SBF2: variants seen among roughly 807,000 people sequenced by gnomAD.
The protein encoded by SBF2 is myotubularin-related protein 13.
In SBF2, 112 loss-of-function variants were observed where a neutral mutation model predicts 225.2. The observed-to-expected ratio is 0.50, with a 90% CI of 0.43 to 0.58. SBF2 has a LOEUF of 0.58. SBF2 is among the 20% of genes least tolerant of loss of function. The probability of loss-of-function intolerance (pLI) is 0.00; values close to 1 mark genes in which losing one functional copy is unlikely to be tolerated. For synonymous variants in SBF2, 763 were observed against 773.3 expected (o/e 0.99, Z 0.22); for missense variants, 1,996 against 2,206.2 (o/e 0.90, Z 1.91).
intron 1 of SBF2, among the ~76,000 whole-genome samples, chr11:10,232,575 T>G (rs549155252): frequency 3.3e-5 from 5 of 151,738 alleles, no homozygotes; most frequent in Non-Finnish European, 7.4e-5. Context: ...TTTTTTTTTT[T>G]TTGTAAGGGA....
At chr11:10,226,583 G>A (rs1212374604) in intron 1 of SBF2, among the ~76,000 whole-genome samples, 2 of 151,164 alleles carry the variant, frequency 1.3e-5, no homozygotes, top group African/African-American at 4.9e-5. Flanking sequence ...TGAGGTGTTT[G>A]GTTTTTTGTC....
At chr11:10,109,589 A>T (rs1260801620) in intron 2 of SBF2, among the ~76,000 whole-genome samples, 1 of 152,230 alleles carries the variant, frequency 6.6e-6, no homozygotes, top group African/African-American at 2.4e-5. Flanking sequence ...TATTCTGAGA[A>T]TCCAAATTTA....
intron 2 of SBF2, among the ~76,000 whole-genome samples, chr11:10,192,788 T>C (rs761142485): frequency 6.6e-6 from 1 of 152,176 alleles, no homozygotes; most frequent in Non-Finnish European, 1.5e-5. Context: ...ATACCAAATG[T>C]CCTCTCAACA....
chr11:9,794,705 AAAG>A (rs1853001609), intron 33 of SBF2, among the ~76,000 whole-genome samples: 2 of 145,204 alleles, frequency 1.4e-5, no homozygotes, highest in Admixed American at 1.4e-4. Context: ...AAAAAAAAAA[AAAG>A]ACCAGGCCTG....
rs71034750 is a variant in SBF2 at position 9,995,825 on chromosome 11, C to CTTT, written c.976-1830_976-1828dup. 3.6e-4 allele frequency among the ~76,000 whole-genome samples: 50 copies of CTTT among 137,306 alleles called. 2 individuals are homozygous for CTTT. The highest frequency in any genetic ancestry group is 5.6e-4 in the Non-Finnish European group (36 of 64,662). The allele number at this position is 137,306 out of a possible 152,430, so 90.1% of individuals were successfully genotyped here. On this transcript the variant is annotated intron_variant, in intron 9 of 39. Transcript: ENST00000256190. ...CCACCACACCCGGCTAATTTTTTGT[C>CTTT]TTTTTTTTTTTTTTGGTAGAGACGG...
intron 1 of SBF2, among the ~76,000 whole-genome samples, chr11:10,254,467 C>T (rs1406161052): frequency 6.6e-6 from 1 of 151,766 alleles, no homozygotes; most frequent in Non-Finnish European, 1.5e-5. Context: ...ATCAATATCT[C>T]AAAGCGATAT....
intron 2 of SBF2, among the ~76,000 whole-genome samples, chr11:10,068,376 C>A (rs1403655526): frequency 6.6e-6 from 1 of 152,164 alleles, no homozygotes; most frequent in Non-Finnish European, 1.5e-5. Context: ...GTCCTACATA[C>A]CACTGACCTG....
In SBF2 at chr11:10,137,334, A is replaced by G. The variant is rs183526818; in HGVS notation, c.141+56568T>C. 2.6e-3 allele frequency among the ~76,000 whole-genome samples: 403 copies of G among 152,328 alleles called. 3 individuals are homozygous for G. The highest frequency in any genetic ancestry group is 9.4e-3 in the African/African-American group (392 of 41,564). On this transcript the variant is annotated intron_variant, in intron 2 of 39. Coordinates refer to ENST00000256190, the MANE Select transcript of SBF2 (RefSeq NM_030962.4). Reference sequence around the variant, plus strand: ...ATTGTCTATACACATAATGATGTCAACTACAAACAGGGACAGATTTATTCC... The same window carrying G: ...ATTGTCTATACACATAATGATGTCAGCTACAAACAGGGACAGATTTATTCC...
At chr11:10,058,067 C>G (rs1950312935) in intron 2 of SBF2, among the ~76,000 whole-genome samples, 1 of 152,200 alleles carries the variant, frequency 6.6e-6, no homozygotes, top group Non-Finnish European at 1.5e-5. Context: ...TGAGAAAGAA[C>G]AGTGCGAGAA....
chr11:9,940,865 T>C (rs969863693), intron 16 of SBF2, among the ~76,000 whole-genome samples: 1 of 152,014 alleles, frequency 6.6e-6, no homozygotes, highest in Non-Finnish European at 1.5e-5. Context: ...AAAGCAAAGA[T>C]ACAAAGGCAA....
At chr11:10,154,106 G>C (rs1033180079) in intron 2 of SBF2, among the ~76,000 whole-genome samples, 4 of 152,024 alleles carry the variant, frequency 2.6e-5, no homozygotes, top group African/African-American at 9.7e-5. Flanking sequence ...ATTAGTGGAA[G>C]TCTTCAAACT....
At chr11:10,136,634 A>T (rs1954368868) in intron 2 of SBF2, among the ~76,000 whole-genome samples, 3 of 152,296 alleles carry the variant, frequency 2.0e-5, no homozygotes, top group Middle Eastern at 3.4e-3. Context: ...CTAGCACCTG[A>T]AATGGGAGGT....
chr11:10,172,157 T>C (rs1000587761), intron 2 of SBF2, among the ~76,000 whole-genome samples: 1 of 152,154 alleles, frequency 6.6e-6, no homozygotes, highest in Non-Finnish European at 1.5e-5. Context: ...TTTATTAGTT[T>C]CTTTTCTTCT....
At chr11:10,102,009 C>T (rs534776320) in intron 2 of SBF2, among the ~76,000 whole-genome samples, 7 of 152,050 alleles carry the variant, frequency 4.6e-5, no homozygotes, top group Non-Finnish European at 7.4e-5. Flanking sequence ...TGTGGTGATA[C>T]TCTCTCTTGG....
intron 33 of SBF2, among the ~76,000 whole-genome samples, chr11:9,793,722 C>T (rs1852910148): frequency 6.6e-6 from 1 of 152,148 alleles, no homozygotes. Flanking sequence ...CTGTTGATGC[C>T]TGGGCCTTAC....
chr11:9,885,005 C>CT (rs1197557900), intron 17 of SBF2, among the ~76,000 whole-genome samples: 1 of 151,970 alleles, frequency 6.6e-6, no homozygotes, highest in East Asian at 1.9e-4. Context: ...AATCTCAGCA[C>CT]TTTGGGAGAC....
At chr11:9,828,424 G>A in intron 28 of SBF2, 1 of 985,416 alleles carries the variant, frequency 1.0e-6, no homozygotes. Context: ...AGAGAGTTAG[G>A]TTTGGCAAGT....
chr11:9,940,509 G>A (rs1400182695), intron 16 of SBF2, among the ~76,000 whole-genome samples: 1 of 152,092 alleles, frequency 6.6e-6, no homozygotes, highest in Non-Finnish European at 1.5e-5. Context: ...TACCCAACAG[G>A]AGCACGTATA....
intron 1 of SBF2, among the ~76,000 whole-genome samples, chr11:10,259,806 T>G (rs1961254813): frequency 6.6e-6 from 1 of 152,130 alleles, no homozygotes; most frequent in Admixed American, 6.5e-5. Context: ...TTTTTTATTT[T>G]GAGATTATTA....
Sources: gnomAD v4.1 joint callset for allele counts (sites outside exome capture counted in the v4.1 genomes callset) on GRCh38, gnomAD v4.1.1 for gene constraint, MANE v1.5 for transcripts, NCBI Gene and HGNC (gene_info 2026-07-23, HGNC 2026-07-21) for gene names.